MALRD1: variants seen among roughly 807,000 people sequenced by gnomAD.
The protein encoded by MALRD1 is MAM and LDL receptor class A domain containing 1.
MALRD1 carries 247 observed loss-of-function variants against 242.1 expected under a neutral mutation model. That is an observed-to-expected ratio of 1.02 (90% CI 0.92 to 1.13). The LOEUF (loss-of-function observed/expected upper bound fraction) is 1.13, where lower values mean the gene tolerates loss of function less well. MALRD1 is among the 50% of genes most tolerant of loss of function. The pLI, the probability that MALRD1 is intolerant of heterozygous loss-of-function variation, is 0.00. For synonymous variants in MALRD1, 995 were observed against 866.6 expected (o/e 1.15, Z -2.60); for missense variants, 2,989 against 2,533.1 (o/e 1.18, Z -3.86).
chr10:19,264,271 A>G (rs1183267763), intron 19 of MALRD1, among the ~76,000 whole-genome samples: 3 of 152,250 alleles, frequency 2.0e-5, no homozygotes, highest in South Asian at 4.2e-4. Flanking sequence ...TTTATGTCCC[A>G]GGGATAAATT....
At chr10:19,477,355 G>T (rs772580351) in intron 29 of MALRD1, among the ~76,000 whole-genome samples, 2 of 152,042 alleles carry the variant, frequency 1.3e-5, no homozygotes, top group Non-Finnish European at 2.9e-5. Flanking sequence ...GTAATTGAAT[G>T]ATATCATTCA....
chr10:19,048,777 T>C (rs1360141263), upstream of MALRD1: 23 of 459,580 alleles, frequency 5.0e-5, no homozygotes, highest in East Asian at 8.2e-4. Context: ...AAGAGCAAAT[T>C]AACTGCCTGG....
Position 19,389,544 on chromosome 10 carries a change from TGCACCATGA to T in MALRD1, c.4783_4791del (p.Thr1595_Ser1597del). Reference sequence around the variant, plus strand: ...CATGTGGCGAGAATCCAGTGCAGCCTGCACCATGAGCTTCTGGTATTTCGTATCTGCAAA... The same window carrying T: ...CATGTGGCGAGAATCCAGTGCAGCCTGCTTCTGGTATTTCGTATCTGCAAA... On this transcript the variant is annotated inframe_deletion, in exon 28 of 40. Transcript: ENST00000454679. 1.9e-6 allele frequency: 3 copies of T among 1,550,752 alleles called. No individual in the cohort carries two copies. The highest frequency in any genetic ancestry group is 2.6e-6 in the Non-Finnish European group (3 of 1,146,956).
chr10:19,099,058 A>G (rs1022202966), intron 4 of MALRD1, among the ~76,000 whole-genome samples: 2 of 152,140 alleles, frequency 1.3e-5, no homozygotes, highest in African/African-American at 2.4e-5. Context: ...GGCTGGTGCC[A>G]TGTTGCCCGT....
At chr10:19,127,530 G>A (rs1046497060) in intron 7 of MALRD1, among the ~76,000 whole-genome samples, 5 of 152,120 alleles carry the variant, frequency 3.3e-5, no homozygotes, top group Admixed American at 1.3e-4. Context: ...AGTTTCAGTA[G>A]CATGAAGAAG....
At chr10:19,454,734 A>G (rs1475659514) in intron 29 of MALRD1, among the ~76,000 whole-genome samples, 1 of 151,250 alleles carries the variant, frequency 6.6e-6, no homozygotes, top group Non-Finnish European at 1.5e-5. Flanking sequence ...ACACACACAC[A>G]CACACACACA....
At chr10:19,156,462 GTTTTTTTT>G (rs36080909) in intron 12 of MALRD1, among the ~76,000 whole-genome samples, 2 of 126,576 alleles carry the variant, frequency 1.6e-5, no homozygotes, top group African/African-American at 5.8e-5. Flanking sequence ...GATATAGAGC[GTTTTTTTT>G]TTTTTTTTTG....
chr10:19,205,027 G>A lies in MALRD1; in HGVS notation c.2340G>A (p.Gln780=). The change falls in exon 17 of 40, where the codon CAG becomes CAA. Residue 780 remains glutamine, a synonymous_variant. Transcript: ENST00000454679. The stretch of plus-strand genomic sequence containing the variant: ...AACAATGGTTGGAGGCAACCATTCA[G>A]CTAGGGCGCCTTTCGCAGCCCTTCC... ...QGKQWLEATI[Q]LGRLSQPFHL... 1 of 1,550,860 alleles carries A rather than the reference G, an allele frequency of 6.4e-7. No homozygotes were observed. The highest frequency in any genetic ancestry group is 8.7e-7 in the Non-Finnish European group (1 of 1,147,032).
intron 4 of MALRD1, among the ~76,000 whole-genome samples, chr10:19,099,507 A>G (rs1836171340): frequency 2.0e-5 from 3 of 152,118 alleles, no homozygotes; most frequent in African/African-American, 7.2e-5. Flanking sequence ...GGATTAGTGC[A>G]GGCTGTGCCT....
At chr10:19,202,879 C>T (rs895826444) in intron 14 of MALRD1, among the ~76,000 whole-genome samples, 6 of 152,032 alleles carry the variant, frequency 3.9e-5, no homozygotes, top group Admixed American at 6.6e-5. Flanking sequence ...ATTTGGATTA[C>T]GTTCCCACCC....
chr10:19,318,577 G>A (rs1180274278), intron 21 of MALRD1, among the ~76,000 whole-genome samples: 1 of 151,044 alleles, frequency 6.6e-6, no homozygotes, highest in Non-Finnish European at 1.5e-5. Context: ...TCTACTTGAA[G>A]AACCAGTGAC....
At chr10:19,490,111 T>C (rs543897205) in intron 29 of MALRD1, among the ~76,000 whole-genome samples, 2 of 152,190 alleles carry the variant, frequency 1.3e-5, no homozygotes, top group Non-Finnish European at 2.9e-5. Flanking sequence ...AATTACAATA[T>C]ATAGGTTTTT....
chr10:19,692,593 A>G, intron 38 of MALRD1, 39 bp downstream of exon 38: 1 of 1,466,206 alleles, frequency 6.8e-7, no homozygotes, highest in Non-Finnish European at 9.2e-7. Flanking sequence ...AATATACCGT[A>G]GCAGAAAAAT....
At chr10:19,511,625 A>G (rs1169521935) in intron 31 of MALRD1, among the ~76,000 whole-genome samples, 2 of 152,330 alleles carry the variant, frequency 1.3e-5, no homozygotes, top group East Asian at 3.9e-4. Context: ...CTAAAAGTCT[A>G]ACCCTATAGA....
At chr10:19,216,023 A>C (rs1261822073) in intron 18 of MALRD1, among the ~76,000 whole-genome samples, 1 of 151,610 alleles carries the variant, frequency 6.6e-6, no homozygotes, top group Non-Finnish European at 1.5e-5. Flanking sequence ...CTTGTCAGTG[A>C]TACATTAGAA....
intron 38 of MALRD1, among the ~76,000 whole-genome samples, chr10:19,707,571 G>A (rs966682597): frequency 6.6e-6 from 1 of 152,186 alleles, no homozygotes; most frequent in African/African-American, 2.4e-5. Context: ...GATGAGAGAT[G>A]ATGAGGACTT....
At chr10:19,473,031 A>G (rs1370827764) in intron 29 of MALRD1, among the ~76,000 whole-genome samples, 3 of 150,730 alleles carry the variant, frequency 2.0e-5, no homozygotes. Context: ...ACAATATTCC[A>G]CACTCAACGG....
At chr10:19,643,902 T>C (rs999987940) in intron 36 of MALRD1, among the ~76,000 whole-genome samples, 2 of 152,142 alleles carry the variant, frequency 1.3e-5, no homozygotes, top group Non-Finnish European at 2.9e-5. Flanking sequence ...GGTCAGAGGG[T>C]AGAGGGAGAA....
chr10:19,061,456 G>A (rs1411199789), intron 1 of MALRD1, among the ~76,000 whole-genome samples: 1 of 151,856 alleles, frequency 6.6e-6, no homozygotes, highest in Non-Finnish European at 1.5e-5. Flanking sequence ...AGAATCTCAA[G>A]GAACCTCAAA....
Sources: allele counts gnomAD v4.1 joint callset (sites outside exome capture counted in the v4.1 genomes callset), GRCh38; gene constraint gnomAD v4.1.1; transcripts MANE v1.5; gene names NCBI Gene and HGNC (gene_info 2026-07-23, HGNC 2026-07-21).